FHIT: variants seen among roughly 807,000 people sequenced by gnomAD.
FHIT encodes fragile histidine triad diadenosine triphosphatase, also known as bis(5'-adenosyl)-triphosphatase.
FHIT carries 19 observed loss-of-function variants against 17.9 expected under a neutral mutation model. The observed-to-expected ratio is 1.06, with a 90% CI of 0.74 to 1.56. The LOEUF (loss-of-function observed/expected upper bound fraction) is 1.56. Among genes scored for constraint, FHIT ranks in the 40% most tolerant of loss-of-function variants. The probability of loss-of-function intolerance (pLI) is 0.00; values close to 1 mark genes in which losing one functional copy is unlikely to be tolerated. For missense variants in FHIT, 248 were observed against 189.2 expected (o/e 1.31, Z -1.82); for synonymous variants, 81 against 69.7 (o/e 1.16, Z -0.81).
intron 5 of FHIT, among the ~76,000 whole-genome samples, chr3:60,302,209 T>A (rs1296806985): frequency 6.6e-6 from 1 of 152,152 alleles, no homozygotes; most frequent in Non-Finnish European, 1.5e-5. Flanking sequence ...TAAATTTTTA[T>A]CTCTAAGAGT....
chr3:60,561,914 G>GAGAAAGAGAGAA (rs1350721248), intron 4 of FHIT, among the ~76,000 whole-genome samples: 4 of 151,450 alleles, frequency 2.6e-5, no homozygotes, highest in African/African-American at 9.7e-5. Flanking sequence ...AGAAAAGAGA[G>GAGAAAGAGAGAA]AGAAAGAGAG....
intron 8 of FHIT, among the ~76,000 whole-genome samples, chr3:59,818,733 A>G (rs1348927499): frequency 6.6e-6 from 1 of 152,184 alleles, no homozygotes; most frequent in Non-Finnish European, 1.5e-5. Context: ...GCTCTCCTGG[A>G]CACAGGAAGT....
At chr3:60,455,098 T>C (rs2032005662) in intron 5 of FHIT, among the ~76,000 whole-genome samples, 1 of 152,002 alleles carries the variant, frequency 6.6e-6, no homozygotes, top group Admixed American at 6.6e-5. Context: ...AAATTCAAAA[T>C]ACAAATTAAG....
intron 3 of FHIT, among the ~76,000 whole-genome samples, chr3:60,983,932 A>T (rs1310050181): frequency 6.6e-6 from 1 of 152,200 alleles, no homozygotes; most frequent in East Asian, 1.9e-4. Context: ...AGATAAAAAA[A>T]ATTGTAATTC....
intron 3 of FHIT, among the ~76,000 whole-genome samples, chr3:61,020,000 T>C (rs1040110752): frequency 6.6e-6 from 1 of 152,208 alleles, no homozygotes; most frequent in Non-Finnish European, 1.5e-5. Flanking sequence ...TTTCTCCTAA[T>C]GCTATCCCTC....
chr3:60,601,658 G>A (rs2038449285), intron 4 of FHIT, among the ~76,000 whole-genome samples: 2 of 152,142 alleles, frequency 1.3e-5, no homozygotes, highest in African/African-American at 2.4e-5. Context: ...ACCTGAATGA[G>A]GAGAGGGTGG....
At chr3:60,464,545 C>T (rs1313482372) in intron 5 of FHIT, among the ~76,000 whole-genome samples, 1 of 151,114 alleles carries the variant, frequency 6.6e-6, no homozygotes, top group East Asian at 1.9e-4. Flanking sequence ...AATCCTTCTA[C>T]TCTCTCTTTC....
At chr3:59,903,888 G>A (rs78731078) in intron 8 of FHIT, among the ~76,000 whole-genome samples, 6,236 of 152,222 alleles carry the variant, frequency 0.041, 159 homozygotes, top group Non-Finnish European at 0.056. Context: ...AGATGTTTGG[G>A]CTTCCTCCAG....
chr3:60,304,435 G>C (rs1708584146), intron 5 of FHIT, among the ~76,000 whole-genome samples: 1 of 151,844 alleles, frequency 6.6e-6, no homozygotes, highest in Non-Finnish European at 1.5e-5. Flanking sequence ...CTAGATGCCA[G>C]GAAACACTCT....
intron 5 of FHIT, among the ~76,000 whole-genome samples, chr3:60,059,188 T>A (rs567626469): frequency 3.3e-5 from 5 of 152,256 alleles, no homozygotes; most frequent in African/African-American, 1.2e-4. Flanking sequence ...CTTCCTATAT[T>A]GATAGGAAAC....
chr3:60,363,054 T>C lies in FHIT; in HGVS notation c.103+173806A>G, dbSNP rs182366788. Among the ~76,000 whole-genome samples, 3 of 152,218 alleles carry C rather than the reference T, an allele frequency of 2.0e-5. No homozygotes were observed. The East Asian group carries it at 5.8e-4, about 29-fold the overall frequency. On this transcript the variant is annotated intron_variant, in intron 5 of 9. Coordinates refer to ENST00000492590, the MANE Select transcript of FHIT (RefSeq NM_002012.4). ...AAATGTGGATGTTCATTATAGGAGC[T>C]GAATGAGAGACAGGTAAAAGTTTCC...
At chr3:61,038,578 A>G (rs1348627379) in intron 3 of FHIT, among the ~76,000 whole-genome samples, 5 of 152,218 alleles carry the variant, frequency 3.3e-5, no homozygotes, top group African/African-American at 1.2e-4. Context: ...AATACCAAAT[A>G]ATTACTGTTT....
At chr3:60,826,751 A>G (rs1047514810) in intron 3 of FHIT, among the ~76,000 whole-genome samples, 1 of 152,152 alleles carries the variant, frequency 6.6e-6, no homozygotes, top group South Asian at 2.1e-4. Flanking sequence ...CTGCATCCCC[A>G]CTGGCCCTGG....
chr3:61,084,802 C>T (rs2035254858), intron 2 of FHIT, among the ~76,000 whole-genome samples: 1 of 152,070 alleles, frequency 6.6e-6, no homozygotes, highest in African/African-American at 2.4e-5. Context: ...AAACTGTTAC[C>T]TCATGCCCTT....
Position 60,694,358 on chromosome 3 carries a change from A to G in FHIT, c.-18+127561T>C, listed in dbSNP as rs543423901. On this transcript the variant is annotated intron_variant, in intron 4 of 9. Coordinates refer to ENST00000492590, the MANE Select transcript of FHIT (RefSeq NM_002012.4). The stretch of plus-strand genomic sequence containing the variant: ...TCAGAGAAATGCAAATTAAAACCAC[A>G]ATGAGATATCACCTCACACCAGTTA... 1.1e-4 allele frequency among the ~76,000 whole-genome samples: 17 copies of G among 152,312 alleles called. No homozygotes were observed. In the South Asian group the frequency reaches 1.5e-3, roughly 13 times the overall value.
At chr3:60,486,391 TAA>T (rs1381277681) in intron 5 of FHIT, among the ~76,000 whole-genome samples, 3 of 152,270 alleles carry the variant, frequency 2.0e-5, no homozygotes, top group African/African-American at 7.2e-5. Context: ...GAACTGATCA[TAA>T]AAAGTCTGTA....
At chr3:59,936,535 T>C (rs904483789) in intron 7 of FHIT, among the ~76,000 whole-genome samples, 2 of 152,226 alleles carry the variant, frequency 1.3e-5, no homozygotes, top group Non-Finnish European at 1.5e-5. Flanking sequence ...AAGCCTCTAA[T>C]GGAGGTTACA....
intron 2 of FHIT, among the ~76,000 whole-genome samples, chr3:61,154,222 G>A (rs1200452549): frequency 1.3e-5 from 2 of 152,148 alleles, no homozygotes; most frequent in African/African-American, 4.8e-5. Flanking sequence ...TTCTCACTTG[G>A]CTCAGGGAAA....
chr3:60,910,739 A>G (rs979981796), intron 3 of FHIT, among the ~76,000 whole-genome samples: 8 of 152,080 alleles, frequency 5.3e-5, no homozygotes, highest in African/African-American at 1.4e-4. Context: ...ATGTGTTCAT[A>G]TGGTCATTTA....
Sources: allele counts gnomAD v4.1 joint callset (sites outside exome capture counted in the v4.1 genomes callset), GRCh38; gene constraint gnomAD v4.1.1; transcripts MANE v1.5; gene names NCBI Gene and HGNC (gene_info 2026-07-23, HGNC 2026-07-21).